CDYL: variants seen among roughly 807,000 people sequenced by gnomAD.
CDYL encodes chromodomain Y-like protein.
In CDYL, 8 loss-of-function variants were observed where a neutral mutation model predicts 47.3. That is an observed-to-expected ratio of 0.17 (90% CI 0.10 to 0.31). The LOEUF is 0.31. CDYL is among the 10% of genes least tolerant of loss of function. The probability of loss-of-function intolerance (pLI) is 1.00; values close to 1 mark genes in which losing one functional copy is unlikely to be tolerated. For missense variants in CDYL, 471 were observed against 701.4 expected (o/e 0.67, Z 3.71); for synonymous variants, 266 against 265.0 (o/e 1.00, Z -0.04).
chr6:4,813,795 C>G (rs921550192), intron 1 of CDYL, among the ~76,000 whole-genome samples: 1 of 152,070 alleles, frequency 6.6e-6, no homozygotes, highest in African/African-American at 2.4e-5. Context: ...TTTTTCAAGA[C>G]AGGATCTTGC....
intron 3 of CDYL, among the ~76,000 whole-genome samples, chr6:4,744,820 A>C (rs962290379): frequency 1.2e-4 from 19 of 152,202 alleles, no homozygotes; most frequent in African/African-American, 4.6e-4. Flanking sequence ...CCTCTATGGT[A>C]AATTGTTTGT....
At chr6:4,808,365 T>G (rs1414626006) in intron 1 of CDYL, among the ~76,000 whole-genome samples, 1 of 152,220 alleles carries the variant, frequency 6.6e-6, no homozygotes, top group Non-Finnish European at 1.5e-5. Context: ...TAGCATTCAT[T>G]CTAACCTTCT....
chr6:4,918,370 C>T (rs539039222), intron 2 of CDYL, among the ~76,000 whole-genome samples: 5,098 of 123,564 alleles, frequency 0.041, 97 homozygotes, highest in Middle Eastern at 0.1. Context: ...TGATGTTCTG[C>T]CCCCCCCCCT....
chr6:4,950,387 T>C (rs1758660185), intron 5 of CDYL, among the ~76,000 whole-genome samples: 1 of 152,086 alleles, frequency 6.6e-6, no homozygotes, highest in South Asian at 2.1e-4. Flanking sequence ...GGCTGTAGTG[T>C]CCTCACTCTA....
intron 1 of CDYL, among the ~76,000 whole-genome samples, chr6:4,813,263 C>T (rs903589161): frequency 1.3e-5 from 2 of 152,240 alleles, no homozygotes; most frequent in African/African-American, 4.8e-5. Flanking sequence ...CCGTCGTCAT[C>T]TTCGCCTACT....
chr6:4,928,449 A>G (rs1268610104), intron 2 of CDYL, among the ~76,000 whole-genome samples: 1 of 152,132 alleles, frequency 6.6e-6, no homozygotes, highest in African/African-American at 2.4e-5. Flanking sequence ...GTTGTTTAGT[A>G]TGTTTTTGCA....
At chr6:4,860,601 CAT>C (rs10599975) in intron 1 of CDYL, among the ~76,000 whole-genome samples, 8,799 of 145,536 alleles carry the variant, frequency 0.06, 891 homozygotes, top group African/African-American at 0.21. Context: ...ACATATATAT[CAT>C]ATATATTATA....
chr6:4,891,330 C>G (rs1424421203), intron 1 of CDYL, among the ~76,000 whole-genome samples: 2 of 152,170 alleles, frequency 1.3e-5, no homozygotes, highest in African/African-American at 4.8e-5. Flanking sequence ...AGGCTGTTGC[C>G]TGGGTGCCCG....
intron 3 of CDYL, among the ~76,000 whole-genome samples, chr6:4,758,133 A>G (rs550796801): frequency 6.6e-6 from 1 of 151,690 alleles, no homozygotes; most frequent in East Asian, 1.9e-4. Context: ...TGAGGTCAGG[A>G]GTTCGAGACC....
At chr6:4,953,823 G>T in intron 6 of CDYL, 75 bp from the exon 7 acceptor site, 1 of 1,373,820 alleles carries the variant, frequency 7.3e-7, no homozygotes, top group Non-Finnish European at 1.0e-6. Flanking sequence ...GATTGCCTCC[G>T]TAAATGTGGA....
At position 4,892,225 on chromosome 6, in the gene CDYL, C is replaced by T. The variant is rs1465539607; in HGVS notation, c.537C>T (p.Pro179=). ...VEQGQEDTVA[P]EVAAEKPVGA... is the part of the protein sequence containing the mutation. ...AGGGTCAGGAGGACACAGTGGCACC[C>T]GAAGTGGCAGCGGAAAAGCCGGTCG... The change falls in exon 2 of 7, where the codon CCC becomes CCT. Residue 179 remains proline (P), a synonymous_variant. Coordinates refer to ENST00000397588, the MANE Select transcript of CDYL (RefSeq NM_004824.4). 2.2e-5 allele frequency: 36 copies of T among 1,614,082 alleles called. No homozygotes were observed. Among genetic ancestry groups the T allele is most frequent in the Non-Finnish European group, 2.9e-5 (34 of 1,180,048 alleles).
intron 2 of CDYL, among the ~76,000 whole-genome samples, chr6:4,903,066 C>T (rs1186784192): frequency 6.6e-6 from 1 of 152,104 alleles, no homozygotes; most frequent in Non-Finnish European, 1.5e-5. Flanking sequence ...AATTTTTATC[C>T]CTTCTGCTTC....
At chr6:4,935,998 C>G (rs1005769155) in intron 3 of CDYL, among the ~76,000 whole-genome samples, 1 of 152,214 alleles carries the variant, frequency 6.6e-6, no homozygotes, top group Admixed American at 6.5e-5. Context: ...GAGTGTCCAT[C>G]CCCATTCTCC....
At position 4,928,884 on chromosome 6, in the gene CDYL, T is replaced by C. The variant is rs185057406; in HGVS notation, c.692-6631T>C. 3.9e-5 allele frequency among the ~76,000 whole-genome samples: 6 copies of C among 152,336 alleles called. No individual in the cohort carries two copies. In the East Asian group the frequency reaches 1.2e-3, roughly 29 times the overall value. ...TGTATAGTATGTACAAAGCGGTTTT[T>C]ATTCATTTTTGTTAAGTTGGTATGA... is the stretch of plus-strand genomic sequence containing the variant. On this transcript the variant is annotated intron_variant, in intron 2 of 6. Transcript: ENST00000397588.
intron 1 of CDYL, among the ~76,000 whole-genome samples, chr6:4,813,933 C>T (rs1032441831): frequency 2.8e-4 from 27 of 96,800 alleles, no homozygotes; most frequent in African/African-American, 1.2e-3. Flanking sequence ...CTATGCCTGG[C>T]TAATTTTTTT....
At chr6:4,944,914 C>G (rs1477746357) in intron 5 of CDYL, among the ~76,000 whole-genome samples, 2 of 152,158 alleles carry the variant, frequency 1.3e-5, no homozygotes, top group Non-Finnish European at 2.9e-5. Context: ...ACACAGCCTT[C>G]GTCGCTGCGT....
At chr6:4,883,742 G>A (rs1761825430) in intron 1 of CDYL, among the ~76,000 whole-genome samples, 1 of 152,198 alleles carries the variant, frequency 6.6e-6, no homozygotes, top group African/African-American at 2.4e-5. Flanking sequence ...GTAATTGTAA[G>A]CAGCACTTTC....
Position 4,952,487 on chromosome 6 carries a change from A to G in CDYL, c.1476+78A>G, listed in dbSNP as rs555248218. On this transcript the variant is annotated intron_variant, in intron 6 of 6. Coordinates refer to ENST00000397588, the MANE Select transcript of CDYL (RefSeq NM_004824.4). The stretch of plus-strand genomic sequence containing the variant: ...CCCTCAGAGAGCTCACAAATTTGCA[A>G]TTATTCCTAAGTCCTTTACGTTTGT... The G allele has an allele frequency of 6.2e-5, 93 of 1,494,506 alleles. 1 individual carries two copies. The South Asian group carries it at 1.2e-3, about 19-fold the overall frequency. 92.6% of individuals were successfully genotyped at this position (1,494,506 alleles called of 1,614,324 possible).
intron 1 of CDYL, among the ~76,000 whole-genome samples, chr6:4,835,805 G>A (rs1226815744): frequency 6.6e-6 from 1 of 152,172 alleles, no homozygotes; most frequent in African/African-American, 2.4e-5. Context: ...TCCCAGCCTC[G>A]TTGCCGCCTT....
Sources: allele counts gnomAD v4.1 joint callset (sites outside exome capture counted in the v4.1 genomes callset), GRCh38; gene constraint gnomAD v4.1.1; transcripts MANE v1.5; gene names NCBI Gene and HGNC (gene_info 2026-07-23, HGNC 2026-07-21).